ADGRL2: variants seen among roughly 807,000 people sequenced by gnomAD.
ADGRL2 encodes the protein adhesion G protein-coupled receptor L2, also known as calcium-independent alpha-latrotoxin receptor 2.
A neutral mutation model predicts 157.4 loss-of-function variants in ADGRL2; 44 were observed. The observed-to-expected ratio is 0.28, with a 90% CI of 0.22 to 0.36. The LOEUF is 0.36. Among genes scored for constraint, ADGRL2 ranks in the 10% least tolerant of loss-of-function variants. ADGRL2 has a pLI of 1.00. For missense variants in ADGRL2, 1,510 were observed against 1,768.9 expected (o/e 0.85, Z 2.63); for synonymous variants, 585 against 624.7 (o/e 0.94, Z 0.95).
chr1:81,836,721 A>C (rs534541242), intron 1 of ADGRL2, among the ~76,000 whole-genome samples, 164 bp from the exon 2 acceptor site: 1 of 152,176 alleles, frequency 6.6e-6, no homozygotes, highest in Non-Finnish European at 1.5e-5. Context: ...GACTGTTTTC[A>C]GAATGTAAGA....
intron 3 of ADGRL2, among the ~76,000 whole-genome samples, chr1:81,639,992 G>A (rs2082187496): frequency 6.6e-6 from 1 of 152,088 alleles, no homozygotes; most frequent in Admixed American, 6.5e-5. Context: ...TCCTCGTCTG[G>A]TCATTTGATT....
chr1:81,579,842 CT>C (rs1002549620), intron 2 of ADGRL2, among the ~76,000 whole-genome samples: 14 of 147,756 alleles, frequency 9.5e-5, no homozygotes, highest in East Asian at 2.0e-4. Flanking sequence ...ATATGCACAG[CT>C]TTTTTTTTTA....
At chr1:81,503,766 C>T (rs1163900160) in intron 2 of ADGRL2, among the ~76,000 whole-genome samples, 2 of 152,140 alleles carry the variant, frequency 1.3e-5, no homozygotes, top group Admixed American at 6.5e-5. Context: ...CCTCCCAGCT[C>T]GGGGCACAGT....
chr1:81,374,495 C>T (rs1367688811), intron 1 of ADGRL2, among the ~76,000 whole-genome samples: 1 of 148,216 alleles, frequency 6.7e-6, no homozygotes, highest in Admixed American at 6.9e-5. Context: ...TCACTTGAAC[C>T]TGGGAGATGG....
chr1:81,970,352 C>A lies in ADGRL2; in HGVS notation c.2772C>A (p.Phe924Leu), dbSNP rs768158713. The A allele has an allele frequency of 1.9e-6, 3 of 1,598,758 alleles. No homozygotes were observed. The highest frequency in any genetic ancestry group is 4.5e-5 in the East Asian group (2 of 44,618). ...TATTTGCAGGACTTCTACACTTTTTCTTTTTGGCAGCTTTTGCTTGGATGT... is the reference window on the plus strand; with the variant it reads ...TATTTGCAGGACTTCTACACTTTTTATTTTTGGCAGCTTTTGCTTGGATGT... ...CPIFAGLLHFFFLAAFAWMCL... is the reference protein window; with the variant it reads ...CPIFAGLLHFLFLAAFAWMCL... The change falls in exon 16 of 24, where the codon TTC (phenylalanine) becomes TTA (leucine). Residue 924 changes from phenylalanine (F) to leucine (L), a missense_variant. This residue lies in a region of ADGRL2 where 497 missense variants were observed against 627.2 expected (regional missense o/e 0.79). Transcript: ENST00000686636.
intron 3 of ADGRL2, among the ~76,000 whole-genome samples, chr1:81,693,679 A>G (rs2083387389): frequency 6.6e-6 from 1 of 152,188 alleles, no homozygotes; most frequent in Non-Finnish European, 1.5e-5. Context: ...TTTGTCAAAA[A>G]TGTTCCTTGC....
chr1:81,927,586 A>G (rs1243440580), intron 3 of ADGRL2, among the ~76,000 whole-genome samples: 3 of 151,966 alleles, frequency 2.0e-5, no homozygotes, highest in Non-Finnish European at 4.4e-5. Context: ...TATTACAGTA[A>G]TGATTTCAAA....
intron 2 of ADGRL2, among the ~76,000 whole-genome samples, chr1:81,860,177 T>C (rs2093345656): frequency 6.6e-6 from 1 of 152,218 alleles, no homozygotes; most frequent in East Asian, 1.9e-4. Context: ...TGAGCCGAGA[T>C]CATGCCTCTG....
At chr1:81,812,233 C>T (rs965353604) in intron 1 of ADGRL2, among the ~76,000 whole-genome samples, 3 of 151,574 alleles carry the variant, frequency 2.0e-5, no homozygotes, top group Admixed American at 6.6e-5. Context: ...CTTTTATATG[C>T]GATGAAATAA....
chr1:81,370,677 G>T (rs569822938), intron 1 of ADGRL2, among the ~76,000 whole-genome samples: 2 of 152,196 alleles, frequency 1.3e-5, no homozygotes, highest in South Asian at 2.1e-4. Context: ...CCATCAAAAT[G>T]CATAGGACAG....
At chr1:81,743,414 T>G (rs2085139668) in intron 1 of ADGRL2, among the ~76,000 whole-genome samples, 1 of 146,438 alleles carries the variant, frequency 6.8e-6, no homozygotes, top group South Asian at 2.1e-4. Flanking sequence ...TTTTTTGCAC[T>G]TGTATTAATC....
chr1:81,964,736 C>T (rs965871121), intron 11 of ADGRL2, among the ~76,000 whole-genome samples: 1 of 151,882 alleles, frequency 6.6e-6, no homozygotes, highest in Non-Finnish European at 1.5e-5. Context: ...ATGATACAGA[C>T]ATTAGAGACA....
intron 1 of ADGRL2, among the ~76,000 whole-genome samples, chr1:81,357,342 A>G (rs901184847): frequency 3.3e-5 from 5 of 152,166 alleles, no homozygotes; most frequent in African/African-American, 9.7e-5. Flanking sequence ...ACCTGGATAT[A>G]TAACACCAGC....
At chr1:81,403,682 C>T (rs2101307127) in intron 1 of ADGRL2, among the ~76,000 whole-genome samples, 1 of 152,084 alleles carries the variant, frequency 6.6e-6, no homozygotes, top group East Asian at 1.9e-4. Context: ...TTTAGAGATG[C>T]CAAAATGCAC....
intron 1 of ADGRL2, among the ~76,000 whole-genome samples, chr1:81,376,866 G>C (rs2076259443): frequency 6.6e-6 from 1 of 152,188 alleles, no homozygotes; most frequent in South Asian, 2.1e-4. Context: ...GGGTCAAGAA[G>C]ATAAATTCAT....
intron 2 of ADGRL2, among the ~76,000 whole-genome samples, chr1:81,529,773 AAGCC>A (rs2079555122): frequency 6.6e-6 from 1 of 152,194 alleles, no homozygotes; most frequent in South Asian, 2.1e-4. Flanking sequence ...CAGCATAACA[AAGCC>A]AGTAAATAGT....
chr1:81,874,332 T>A (rs564617580), intron 2 of ADGRL2, among the ~76,000 whole-genome samples: 2 of 152,304 alleles, frequency 1.3e-5, no homozygotes, highest in South Asian at 4.1e-4. Context: ...TTAAACATTT[T>A]ACCAATAAGT....
Position 81,970,694 on chromosome 1 carries a change from A to G in ADGRL2, c.2954+160A>G, listed in dbSNP as rs190479279. ...ACAAATTACAATCAAGTCTTTTGCA[A>G]TTTTCTGGGTTCAGAGGATTTGTAC... On this transcript the variant is annotated intron_variant, in intron 16 of 23. Coordinates refer to ENST00000686636, the MANE Select transcript of ADGRL2 (RefSeq NM_001366006.2). 9.9e-4 allele frequency among the ~76,000 whole-genome samples: 150 copies of G among 152,216 alleles called. 2 individuals carry two copies. Among genetic ancestry groups the G allele is most frequent in the Admixed American group, 6.0e-3 (91 of 15,288 alleles).
intron 2 of ADGRL2, among the ~76,000 whole-genome samples, chr1:81,543,594 C>T (rs2079942392): frequency 6.6e-6 from 1 of 152,172 alleles, no homozygotes. Context: ...GCTGCTACCC[C>T]AACTGGAATT....
Sources: allele counts gnomAD v4.1 joint callset (sites outside exome capture counted in the v4.1 genomes callset), GRCh38; gene constraint gnomAD v4.1.1; regional missense constraint gnomAD v4.1.1; transcripts MANE v1.5; gene names NCBI Gene and HGNC (gene_info 2026-07-23, HGNC 2026-07-21).